Variants in CIMAP2 observed in about 807,000 individuals in gnomAD.
CIMAP2 encodes ciliary microtubule-associated protein 2.
the CIMAP2 span, chr1:54,806,163 T>C: frequency 6.4e-7 from 1 of 1,551,156 alleles, no homozygotes; most frequent in Non-Finnish European, 8.7e-7. Context: ...TGGAACCGCG[T>C]CGGCTCCACG....
At chr1:54,842,227 C>A in the CIMAP2 span, 1 of 319,658 alleles carries the variant, frequency 3.1e-6, no homozygotes, top group Non-Finnish European at 5.8e-6. Flanking sequence ...TGCTTGGCTC[C>A]TTGTTTATTA....
chr1:54,814,033 C>G, the CIMAP2 span: 1 of 1,530,394 alleles, frequency 6.5e-7, no homozygotes. Context: ...CCTTCCGGGG[C>G]TGGGCATGGG....
chr1:54,821,183 G>C, the CIMAP2 span, among the ~76,000 whole-genome samples: 2 of 146,688 alleles, frequency 1.4e-5, no homozygotes, highest in East Asian at 4.3e-4. Context: ...TCTACACGTT[G>C]TCTCTTCACT....
chr1:54,817,805 A>G, the CIMAP2 span, among the ~76,000 whole-genome samples: 2 of 152,032 alleles, frequency 1.3e-5, no homozygotes, highest in African/African-American at 4.8e-5. Context: ...TCAGCTTTTA[A>G]ATGTAATTTT....
chr1:54,806,934 C>G, the CIMAP2 span: 1 of 1,489,266 alleles, frequency 6.7e-7, no homozygotes, highest in East Asian at 2.3e-5. Flanking sequence ...TGCTCCAGAA[C>G]TGCCCACGCC....
At chr1:54,809,764 TA>T in the CIMAP2 span, among the ~76,000 whole-genome samples, 1 of 151,980 alleles carries the variant, frequency 6.6e-6, no homozygotes, top group Non-Finnish European at 1.5e-5. Flanking sequence ...GCAGGGGAGC[TA>T]GGGGGACAAG....
At chr1:54,835,723 C>G in the CIMAP2 span, among the ~76,000 whole-genome samples, 1 of 152,138 alleles carries the variant, frequency 6.6e-6, no homozygotes, top group Non-Finnish European at 1.5e-5. Context: ...AGACAGCAGT[C>G]TGGTCCAGAG....
chr1:54,809,340 G>C, the CIMAP2 span, among the ~76,000 whole-genome samples: 1 of 152,210 alleles, frequency 6.6e-6, no homozygotes, highest in Non-Finnish European at 1.5e-5. Context: ...ACTCCTGACA[G>C]GGTCTGGGGA....
the CIMAP2 span, among the ~76,000 whole-genome samples, chr1:54,812,769 G>A: frequency 3.3e-5 from 5 of 152,200 alleles, no homozygotes; most frequent in East Asian, 3.8e-4. Flanking sequence ...GCATTCTCGC[G>A]GTGGGTGTGA....
the CIMAP2 span, among the ~76,000 whole-genome samples, chr1:54,825,303 G>A: frequency 3.0e-4 from 45 of 151,700 alleles, no homozygotes; most frequent in Admixed American, 2.4e-3. Context: ...CTCCCGCCTC[G>A]GCCTCCCAAA....
At chr1:54,808,801 A>G in the CIMAP2 span, among the ~76,000 whole-genome samples, 7 of 152,046 alleles carry the variant, frequency 4.6e-5, no homozygotes, top group East Asian at 1.4e-3. Flanking sequence ...ACGAGGGAGA[A>G]AGCAGGAGTC....
At chr1:54,815,274 G>A in the CIMAP2 span, among the ~76,000 whole-genome samples, 1 of 152,226 alleles carries the variant, frequency 6.6e-6, no homozygotes, top group African/African-American at 2.4e-5. Flanking sequence ...CAGATGGCTG[G>A]GCCCCATGCC....
chr1:54,823,840 T>C, the CIMAP2 span, among the ~76,000 whole-genome samples: 3 of 152,352 alleles, frequency 2.0e-5, no homozygotes, highest in Non-Finnish European at 2.9e-5. Flanking sequence ...ACTGGTCTAG[T>C]GGTGAATAAT....
chr1:54,831,614 T>C, the CIMAP2 span, among the ~76,000 whole-genome samples: 1 of 150,828 alleles, frequency 6.6e-6, no homozygotes, highest in Non-Finnish European at 1.5e-5. Flanking sequence ...GATTGCGCCA[T>C]TGCACTCCAG....
the CIMAP2 span, among the ~76,000 whole-genome samples, chr1:54,828,245 C>T: frequency 3.9e-5 from 6 of 151,982 alleles, no homozygotes; most frequent in Non-Finnish European, 8.8e-5. Flanking sequence ...AAACAGGCAA[C>T]AAAGTGTATA....
the CIMAP2 span, among the ~76,000 whole-genome samples, chr1:54,816,541 A>C: frequency 1.2e-4 from 19 of 152,164 alleles, no homozygotes; most frequent in African/African-American, 4.3e-4. Context: ...GGAGGCGAGA[A>C]GTCTGAAATC....
At chr1:54,822,056 G>A in the CIMAP2 span, among the ~76,000 whole-genome samples, 33 of 137,972 alleles carry the variant, frequency 2.4e-4, 3 homozygotes, top group Admixed American at 2.2e-3. Flanking sequence ...CCACCACTAC[G>A]CCCGGCTAAT....
At chr1:54,831,659 AAAAG>A in the CIMAP2 span, among the ~76,000 whole-genome samples, 5 of 151,946 alleles carry the variant, frequency 3.3e-5, no homozygotes, top group African/African-American at 1.2e-4. Context: ...ATCTCAAAAA[AAAAG>A]AAAGGGGAAG....
chr1:54,811,767 C>CGGGCGGGGGG, the CIMAP2 span: 1 of 1,088,168 alleles, frequency 9.2e-7, no homozygotes, highest in Non-Finnish European at 1.4e-6. Flanking sequence ...TTCTGACAGC[C>CGGGCGGGGGG]TCCATGCCCC....
Sources: allele counts gnomAD v4.1 joint callset (sites outside exome capture counted in the v4.1 genomes callset), GRCh38; gene constraint gnomAD v4.1.1; transcripts MANE v1.5; gene names NCBI Gene and HGNC (gene_info 2026-07-23, HGNC 2026-07-21).